Variants in KIF9 observed in about 807,000 individuals in gnomAD.
The protein encoded by KIF9 is kinesin-like protein KIF9.
A neutral mutation model predicts 94.8 loss-of-function variants in KIF9; 68 were observed. That is an observed-to-expected ratio of 0.72 (90% confidence interval 0.59 to 0.88). The LOEUF (loss-of-function observed/expected upper bound fraction) is 0.88. KIF9 is among the 40% of genes least tolerant of loss of function. The probability of loss-of-function intolerance (pLI) is 0.00; values close to 1 mark genes in which losing one functional copy is unlikely to be tolerated. For synonymous variants in KIF9, 343 were observed against 362.1 expected (o/e 0.95, Z 0.60); for missense variants, 882 against 982.5 (o/e 0.90, Z 1.37).
At chr3:47,276,998 G>A (rs1043450638) in intron 2 of KIF9, 2 of 252,554 alleles carry the variant, frequency 7.9e-6, no homozygotes, top group Non-Finnish European at 1.5e-5. Context: ...AAAGCTTTAT[G>A]AATGTGAACA....
intron 18 of KIF9, 140 bp downstream of exon 18, chr3:47,236,303 G>A (rs1345594214): frequency 1.5e-5 from 16 of 1,068,024 alleles, no homozygotes; most frequent in Non-Finnish European, 2.1e-5. Context: ...ACAGTCCTGG[G>A]AACCACACAT....
At chr3:47,252,303 T>A (rs1420537274) in intron 10 of KIF9, among the ~76,000 whole-genome samples, 1 of 152,064 alleles carries the variant, frequency 6.6e-6, no homozygotes, top group Non-Finnish European at 1.5e-5. Flanking sequence ...TGAAAAAGCA[T>A]GATTGTCCAA....
rs144890162 is a variant in KIF9, at chr3:47,266,990, G to T, written c.754C>A (p.Leu252Met). 174 of 1,613,648 alleles carry T rather than the reference G, an allele frequency of 1.1e-4. 1 individual carries two copies. The African/African-American group carries it at 2.2e-3, about 20-fold the overall frequency. Residue 252 changes from leucine (L) to methionine (M), a missense_variant, in exon 7 of 21, where the codon CTG (leucine) becomes ATG (methionine). By Grantham distance (15) the Leu-to-Met change is conservative. Coordinates refer to ENST00000684063, the MANE Select transcript of KIF9 (RefSeq NM_182902.4). ...NLVDLAGSER[L>M]GKSGSEGQVL... Reference sequence around the variant, plus strand: ...CCATCACTTACCCCAGACTTCCCCAGCCTCTCTGAGCCTGCCAGATCCACC... The same window carrying T: ...CCATCACTTACCCCAGACTTCCCCATCCTCTCTGAGCCTGCCAGATCCACC...
intron 10 of KIF9, 79 bp from the exon 11 acceptor site, chr3:47,248,165 T>C (rs551707668): frequency 9.6e-7 from 1 of 1,038,308 alleles, no homozygotes; most frequent in African/African-American, 1.6e-5. Flanking sequence ...ACAGCAAAAG[T>C]ACAATTCCTC....
chr3:47,263,484 G>A (rs966030106), intron 9 of KIF9, among the ~76,000 whole-genome samples: 3 of 152,134 alleles, frequency 2.0e-5, no homozygotes, highest in South Asian at 2.1e-4. Context: ...CACCAGAGCC[G>A]ATTCAGCCCC....
At chr3:47,248,318 C>T (rs1700057696) in intron 10 of KIF9, 2 of 514,948 alleles carry the variant, frequency 3.9e-6, no homozygotes, top group South Asian at 5.2e-5. Flanking sequence ...CTGGCCTTTG[C>T]TACTGCCAGT....
In KIF9 at chr3:47,240,703, C is replaced by A. The variant is rs570083732; in HGVS notation, c.1924+98G>T. On this transcript the variant is annotated intron_variant, in intron 17 of 20. Transcript: ENST00000684063. ...CACATCCCAGCACCCCCACTGGCCCCCTCCCATCTCAGACCTCTAGTGCCA... is the reference window on the plus strand; with the variant it reads ...CACATCCCAGCACCCCCACTGGCCCACTCCCATCTCAGACCTCTAGTGCCA... 36 of 1,001,220 alleles carry A rather than the reference C, an allele frequency of 3.6e-5. No homozygotes were observed. In the Admixed American group the frequency reaches 4.9e-4, roughly 14 times the overall value. The allele number at this position is 1,001,220 out of a possible 1,614,324, so 62.0% of individuals were successfully genotyped here. A position where few individuals can be genotyped will look rare whatever the true frequency, so the allele number is the denominator to read the frequency against.
chr3:47,256,343 AG>A (rs202080727), intron 10 of KIF9, among the ~76,000 whole-genome samples: 48,841 of 146,946 alleles, frequency 0.33, 7,745 homozygotes, highest in Middle Eastern at 0.48. Context: ...GCCCCATCTG[AG>A]AAGTGAGGAG....
At chr3:47,270,423 T>C (rs552865678) in intron 5 of KIF9, among the ~76,000 whole-genome samples, 2 of 151,472 alleles carry the variant, frequency 1.3e-5, no homozygotes, top group East Asian at 3.9e-4. Context: ...CCAGCTTATT[T>C]TTTGTATTTT....
chr3:47,250,955 C>T (rs1700235312), intron 10 of KIF9, among the ~76,000 whole-genome samples: 1 of 152,192 alleles, frequency 6.6e-6, no homozygotes, highest in African/African-American at 2.4e-5. Flanking sequence ...CAACAGAACC[C>T]CTGGCATCCT....
At position 47,228,253 on chromosome 3, in the gene KIF9, C is replaced by T. The variant is rs1698308868; in HGVS notation, c.*399G>A. On this transcript the variant is annotated 3_prime_UTR_variant, in exon 21 of 21. Transcript: ENST00000684063. The stretch of plus-strand genomic sequence containing the variant: ...GATGTCTATCCAGGAAAGGGGCTGA[C>T]CAGTGTGACAAAGGCCTGCCAGGAG... 5.9e-6 allele frequency: 1 copy of T among 169,314 alleles called. No individual in the cohort carries two copies. The highest frequency in any genetic ancestry group is 1.5e-4 in the South Asian group (1 of 6,802). The allele number at this position is 169,314 out of a possible 1,614,324, so 10.5% of individuals were successfully genotyped here.
intron 10 of KIF9, among the ~76,000 whole-genome samples, chr3:47,255,857 C>T (rs994136589): frequency 6.6e-6 from 1 of 152,196 alleles, no homozygotes; most frequent in Admixed American, 6.5e-5. Context: ...TGCAACCTCC[C>T]TGCCTGATTC....
chr3:47,271,048 G>A (rs1701615584), intron 5 of KIF9, among the ~76,000 whole-genome samples, 189 bp downstream of exon 5: 1 of 151,970 alleles, frequency 6.6e-6, no homozygotes, highest in South Asian at 2.1e-4. Context: ...GGAGGCTGAG[G>A]CAGGAGGATC....
chr3:47,241,275 GA>G (rs1402932824), intron 16 of KIF9, among the ~76,000 whole-genome samples: 2 of 151,476 alleles, frequency 1.3e-5, no homozygotes, highest in Non-Finnish European at 2.9e-5. Flanking sequence ...AATAAGAAAA[GA>G]AAAGAACAAT....
intron 9 of KIF9, among the ~76,000 whole-genome samples, chr3:47,258,978 G>T (rs1700790147): frequency 6.6e-6 from 1 of 152,184 alleles, no homozygotes; most frequent in Admixed American, 6.5e-5. Context: ...TGCCATAGTG[G>T]CCAGTGCAGG....
At chr3:47,245,264 T>A in intron 14 of KIF9, 157 bp downstream of exon 14, 1 of 680,888 alleles carries the variant, frequency 1.5e-6, no homozygotes, top group Non-Finnish European at 2.6e-6. Context: ...CAAAAGTGGT[T>A]TACTCTTAAC....
chr3:47,279,433 T>C (rs1702181227), intron 1 of KIF9, among the ~76,000 whole-genome samples: 1 of 149,310 alleles, frequency 6.7e-6, no homozygotes, highest in African/African-American at 2.5e-5. Flanking sequence ...GCCAATGTCA[T>C]GCCACTGCAC....
At position 47,282,498 on chromosome 3, in the gene KIF9, T is replaced by TCAC; in HGVS notation, c.-12_-10dup. On this transcript the variant is annotated 5_prime_UTR_variant, in exon 1 of 21. Transcript: ENST00000684063. ...CCGGCGAGCAGCCCCTGCTCACCGTTCACCAGGCAGCGACGCTCCCGGGAC... is the reference window on the plus strand; with the variant it reads ...CCGGCGAGCAGCCCCTGCTCACCGTTCACCACCAGGCAGCGACGCTCCCGGGAC... The TCAC allele has an allele frequency of 1.0e-6, 1 of 994,644 alleles. No individual in the cohort carries two copies. The highest frequency in any genetic ancestry group is 1.2e-6 in the Non-Finnish European group (1 of 834,898). The allele number at this position is 994,644 out of a possible 1,614,324, so 61.6% of individuals were successfully genotyped here. A position where few individuals can be genotyped will look rare whatever the true frequency, so the allele number is the denominator to read the frequency against.
At chr3:47,264,983 T>A (rs993085522) in intron 8 of KIF9, among the ~76,000 whole-genome samples, 1 of 152,214 alleles carries the variant, frequency 6.6e-6, no homozygotes, top group East Asian at 1.9e-4. Context: ...TCGCTAGGCA[T>A]TGAATCTGCT....
Sources: allele counts gnomAD v4.1 joint callset (sites outside exome capture counted in the v4.1 genomes callset), GRCh38; gene constraint gnomAD v4.1.1; transcripts MANE v1.5; gene names NCBI Gene and HGNC (gene_info 2026-07-23, HGNC 2026-07-21).